The following YPEL2 variants were observed in gnomAD, a reference collection of about 807,000 sequenced individuals.
YPEL2 encodes the protein protein yippee-like 2.
A neutral mutation model predicts 19.1 loss-of-function variants in YPEL2; 2 were observed. That is an observed-to-expected ratio of 0.10 (90% CI 0.04 to 0.33). The LOEUF is 0.33. YPEL2 is among the 10% of genes least tolerant of loss of function. The probability of loss-of-function intolerance (pLI) is 1.00; values close to 1 mark genes in which losing one functional copy is unlikely to be tolerated. For synonymous variants in YPEL2, 52 were observed against 50.0 expected (o/e 1.04, Z -0.17); for missense variants, 66 against 140.7 (o/e 0.47, Z 2.68).
chr17:59,370,754 G>GGAAGGGACA (rs757102803), intron 2 of YPEL2, among the ~76,000 whole-genome samples: 2 of 151,892 alleles, frequency 1.3e-5, no homozygotes, highest in Non-Finnish European at 2.9e-5. Context: ...GGCACACAGA[G>GGAAGGGACA]GAGGGGCACA....
intron 4 of YPEL2, 62 bp from the exon 5 acceptor site, chr17:59,397,035 GAAAA>G: frequency 7.8e-7 from 1 of 1,287,694 alleles, no homozygotes; most frequent in South Asian, 1.5e-5. Flanking sequence ...CCTCAAAAAA[GAAAA>G]AAAAAATCAT....
chr17:59,393,794 G>A (rs1395482013), intron 4 of YPEL2, among the ~76,000 whole-genome samples: 1 of 150,186 alleles, frequency 6.7e-6, no homozygotes, highest in Non-Finnish European at 1.5e-5. Context: ...ACCCTGAGTG[G>A]ACACAGCACA....
chr17:59,392,645 G>A (rs551249609), intron 4 of YPEL2, among the ~76,000 whole-genome samples: 2 of 151,902 alleles, frequency 1.3e-5, no homozygotes, highest in East Asian at 3.9e-4. Flanking sequence ...AGAGTAGCTG[G>A]GATTACAGGT....
chr17:59,334,839 A>C (rs2047691272), intron 1 of YPEL2, among the ~76,000 whole-genome samples: 1 of 152,224 alleles, frequency 6.6e-6, no homozygotes, highest in Admixed American at 6.5e-5. Flanking sequence ...AGCAACTCAC[A>C]TTCAGAATGT....
At chr17:59,385,295 C>T (rs917953188) in intron 2 of YPEL2, among the ~76,000 whole-genome samples, 7 of 152,168 alleles carry the variant, frequency 4.6e-5, no homozygotes, top group African/African-American at 9.7e-5. Flanking sequence ...CTAGACTGGA[C>T]GCAGTGACTC....
intron 1 of YPEL2, among the ~76,000 whole-genome samples, chr17:59,332,750 G>A (rs1003706487): frequency 1.3e-5 from 2 of 152,208 alleles, no homozygotes; most frequent in Admixed American, 6.5e-5. Context: ...CGCTTGGAGC[G>A]GAGCTGCACC....
At chr17:59,393,328 G>A (rs1381926170) in intron 4 of YPEL2, among the ~76,000 whole-genome samples, 1 of 148,424 alleles carries the variant, frequency 6.7e-6, no homozygotes, top group African/African-American at 2.5e-5. Flanking sequence ...GTAGAGATGA[G>A]GTTTTTGTCA....
chr17:59,382,042 CTGT>C (rs2147953591), intron 2 of YPEL2, among the ~76,000 whole-genome samples: 1 of 152,336 alleles, frequency 6.6e-6, no homozygotes, highest in African/African-American at 2.4e-5. Flanking sequence ...TGCAAGATGC[CTGT>C]TGTTCTCCAT....
Position 59,356,746 on chromosome 17 carries a change from G to A in YPEL2, c.117+3220G>A, listed in dbSNP as rs999884501. Among the ~76,000 whole-genome samples the A allele has an allele frequency of 2.0e-5, 3 of 152,194 alleles. No homozygotes were observed. In the South Asian group the frequency reaches 6.2e-4, roughly 32 times the overall value. ...GGAGGCTGGGAAGTCCAAGTTCAAG[G>A]CACCACCAGATTCAGTCTGGTGAGG... On this transcript the variant is annotated intron_variant, in intron 2 of 4. Coordinates refer to ENST00000312655, the MANE Select transcript of YPEL2 (RefSeq NM_001005404.4).
intron 2 of YPEL2, among the ~76,000 whole-genome samples, chr17:59,373,800 A>G (rs1183840887): frequency 6.6e-6 from 1 of 152,210 alleles, no homozygotes; most frequent in Non-Finnish European, 1.5e-5. Context: ...GATATTTCAC[A>G]GTAAGTCAGG....
At chr17:59,379,188 A>G (rs778607000) in intron 2 of YPEL2, among the ~76,000 whole-genome samples, 1 of 152,156 alleles carries the variant, frequency 6.6e-6, no homozygotes, top group Non-Finnish European at 1.5e-5. Context: ...TAATTCTGGA[A>G]GTTTTTAACT....
chr17:59,375,171 T>A (rs2047914675), intron 2 of YPEL2, among the ~76,000 whole-genome samples: 1 of 152,140 alleles, frequency 6.6e-6, no homozygotes, highest in Non-Finnish European at 1.5e-5. Context: ...ATGCTTCAGG[T>A]GCATGGTTGA....
chr17:59,376,641 T>C (rs1457422348), intron 2 of YPEL2, among the ~76,000 whole-genome samples: 1 of 152,216 alleles, frequency 6.6e-6, no homozygotes, highest in Non-Finnish European at 1.5e-5. Flanking sequence ...ATTAAGTTAC[T>C]TCACTTTGAG....
In YPEL2 at chr17:59,353,552, T is replaced by G; in HGVS notation, c.117+26T>G. On this transcript the variant is annotated intron_variant, in intron 2 of 4. Coordinates refer to ENST00000312655, the MANE Select transcript of YPEL2 (RefSeq NM_001005404.4). This position sits in a 1 kb window ranked among gnomAD's most constrained non-coding sequence, Gnocchi z 4.8. ...GTACACATTTCCAGCAGGCCTTCCT[T>G]GCCTACCCCGGGGAGGGCGCTTAGT... 6.3e-7 allele frequency: 1 copy of G among 1,578,798 alleles called. No individual in the cohort carries two copies. Among genetic ancestry groups the G allele is most frequent in the Non-Finnish European group, 8.7e-7 (1 of 1,148,130 alleles).
intron 2 of YPEL2, among the ~76,000 whole-genome samples, chr17:59,376,967 A>C (rs1052508803): frequency 1.3e-5 from 2 of 150,476 alleles, no homozygotes; most frequent in African/African-American, 2.5e-5. Context: ...AAAAAAAAAA[A>C]AAAAAAAACA....
chr17:59,372,819 G>A (rs1375366577), intron 2 of YPEL2, among the ~76,000 whole-genome samples: 1 of 152,210 alleles, frequency 6.6e-6, no homozygotes, highest in East Asian at 1.9e-4. Context: ...AAAGTAAATA[G>A]TGCTTATGAC....
At chr17:59,356,660 A>G (rs2047814447) in intron 2 of YPEL2, among the ~76,000 whole-genome samples, 1 of 152,248 alleles carries the variant, frequency 6.6e-6, no homozygotes, top group African/African-American at 2.4e-5. Context: ...TAGGGCTGCT[A>G]AAACAAAATG....
At chr17:59,383,281 CTATT>C (rs1294765767) in intron 2 of YPEL2, among the ~76,000 whole-genome samples, 1 of 151,746 alleles carries the variant, frequency 6.6e-6, no homozygotes, top group Non-Finnish European at 1.5e-5. Flanking sequence ...GTCTTATAGT[CTATT>C]TAGTCTTACA....
intron 1 of YPEL2, among the ~76,000 whole-genome samples, chr17:59,346,380 C>T (rs2047756652): frequency 6.6e-6 from 1 of 152,190 alleles, no homozygotes; most frequent in African/African-American, 2.4e-5. Flanking sequence ...GGCATGGATG[C>T]CAATGACAGG....
Sources: allele counts gnomAD v4.1 joint callset (sites outside exome capture counted in the v4.1 genomes callset), GRCh38; gene constraint gnomAD v4.1.1; non-coding constraint Gnocchi (gnomAD v3.1); transcripts MANE v1.5; gene names NCBI Gene and HGNC (gene_info 2026-07-23, HGNC 2026-07-21).